ATXN1: variants seen among roughly 807,000 people sequenced by gnomAD.
ATXN1 encodes ataxin-1.
In ATXN1, 8 loss-of-function variants were observed where a neutral mutation model predicts 56.4. That is an observed-to-expected ratio of 0.14 (90% CI 0.08 to 0.26). The LOEUF (loss-of-function observed/expected upper bound fraction) is 0.26. Among genes scored for constraint, ATXN1 ranks in the 10% least tolerant of loss-of-function variants. ATXN1 has a pLI of 1.00. For missense variants in ATXN1, 987 were observed against 1,106.5 expected (o/e 0.89, Z 1.53); for synonymous variants, 514 against 494.6 (o/e 1.04, Z -0.52).
chr6:16,519,905 C>T (rs1761254272), intron 5 of ATXN1, among the ~76,000 whole-genome samples: 1 of 152,088 alleles, frequency 6.6e-6, no homozygotes, highest in South Asian at 2.1e-4. Context: ...CCACATTCTC[C>T]GCATATCACA....
intron 2 of ATXN1, among the ~76,000 whole-genome samples, chr6:16,687,655 A>ACACACACAC (rs1217783938): frequency 2.0e-5 from 1 of 50,394 alleles, no homozygotes; most frequent in African/African-American, 1.1e-4. Context: ...TCAAAGAAGA[A>ACACACACAC]ATACACACAC....
At chr6:16,421,709 C>T (rs185789826) in intron 6 of ATXN1, among the ~76,000 whole-genome samples, 5 of 151,810 alleles carry the variant, frequency 3.3e-5, no homozygotes, top group African/African-American at 9.7e-5. Context: ...AGCGTGCATG[C>T]AAATAGGTGT....
chr6:16,695,046 C>T (rs1759133970), intron 2 of ATXN1, among the ~76,000 whole-genome samples: 2 of 152,134 alleles, frequency 1.3e-5, no homozygotes, highest in Non-Finnish European at 2.9e-5. Context: ...CCACAGTGAC[C>T]ATTCTTCACA....
intron 6 of ATXN1, among the ~76,000 whole-genome samples, chr6:16,409,749 T>C (rs531663979): frequency 4.9e-4 from 74 of 151,918 alleles, no homozygotes; most frequent in Non-Finnish European, 8.7e-4. Context: ...TTTTAAAAGC[T>C]TCCAGACGTG....
At chr6:16,616,361 G>A (rs1029445582) in intron 3 of ATXN1, among the ~76,000 whole-genome samples, 5 of 151,396 alleles carry the variant, frequency 3.3e-5, no homozygotes, top group African/African-American at 7.3e-5. Flanking sequence ...CTAACATGGT[G>A]AAACCCTGTC....
At chr6:16,395,946 C>A (rs1157630228) in intron 6 of ATXN1, among the ~76,000 whole-genome samples, 1 of 128,580 alleles carries the variant, frequency 7.8e-6, no homozygotes, top group Non-Finnish European at 1.6e-5. Context: ...ACCAGGGAGT[C>A]GGAGGTTGCA....
chr6:16,482,525 G>T (rs148898337), intron 6 of ATXN1, among the ~76,000 whole-genome samples: 124 of 152,284 alleles, frequency 8.1e-4, no homozygotes, highest in African/African-American at 2.7e-3. Flanking sequence ...TCCTACTTAA[G>T]GAAGCAGAGA....
chr6:16,678,789 A>G (rs1758738225), intron 2 of ATXN1, among the ~76,000 whole-genome samples: 1 of 152,220 alleles, frequency 6.6e-6, no homozygotes, highest in South Asian at 2.1e-4. Flanking sequence ...TAATCCCAGC[A>G]CTTTGGGAGG....
chr6:16,446,197 C>CT (rs1759632050), intron 6 of ATXN1, among the ~76,000 whole-genome samples: 1 of 151,686 alleles, frequency 6.6e-6, no homozygotes, highest in Non-Finnish European at 1.5e-5. Context: ...TGTTTCCTGA[C>CT]TTTTTAATGA....
At chr6:16,683,818 T>C (rs912103197) in intron 2 of ATXN1, among the ~76,000 whole-genome samples, 1 of 152,126 alleles carries the variant, frequency 6.6e-6, no homozygotes, top group Non-Finnish European at 1.5e-5. Flanking sequence ...CCTGCAACTT[T>C]CCCTTCTTCC....
intron 5 of ATXN1, among the ~76,000 whole-genome samples, chr6:16,512,536 G>C (rs1472092870): frequency 3.3e-5 from 5 of 152,190 alleles, no homozygotes; most frequent in Non-Finnish European, 7.4e-5. Context: ...CAAGTTCTAA[G>C]CATTTATAAA....
intron 3 of ATXN1, among the ~76,000 whole-genome samples, chr6:16,637,649 G>A (rs1410448792): frequency 6.6e-6 from 1 of 152,114 alleles, no homozygotes; most frequent in Non-Finnish European, 1.5e-5. Context: ...GTCGAGTTAG[G>A]AAAAAATGTT....
chr6:16,734,202 TTC>T (rs1760058396), intron 2 of ATXN1, among the ~76,000 whole-genome samples: 1 of 152,184 alleles, frequency 6.6e-6, no homozygotes, highest in Non-Finnish European at 1.5e-5. Flanking sequence ...TTCTCAGGTG[TTC>T]TGTTTGCTAC....
intron 3 of ATXN1, among the ~76,000 whole-genome samples, chr6:16,611,956 T>G (rs1210835426): frequency 1.4e-5 from 2 of 140,312 alleles, no homozygotes; most frequent in Non-Finnish European, 3.0e-5. Flanking sequence ...GCCTCCTGGG[T>G]TCATGCCATT....
chr6:16,507,707 C>T (rs1448449832), intron 5 of ATXN1, among the ~76,000 whole-genome samples: 3 of 152,078 alleles, frequency 2.0e-5, no homozygotes, highest in Non-Finnish European at 4.4e-5. Context: ...GACATATTAC[C>T]TTAAAACTAC....
At chr6:16,367,008 T>C (rs544486433) in intron 6 of ATXN1, among the ~76,000 whole-genome samples, 13 of 152,338 alleles carry the variant, frequency 8.5e-5, no homozygotes, top group African/African-American at 2.6e-4. Context: ...ACTGGAGATC[T>C]GTAGCTTTTA....
intron 3 of ATXN1, among the ~76,000 whole-genome samples, chr6:16,655,013 T>C (rs1388057116): frequency 6.6e-6 from 1 of 152,196 alleles, no homozygotes; most frequent in Non-Finnish European, 1.5e-5. Context: ...CTGAGCATCA[T>C]TTCTGAAGCT....
At chr6:16,734,515 T>C (rs967631560) in intron 2 of ATXN1, among the ~76,000 whole-genome samples, 3 of 152,308 alleles carry the variant, frequency 2.0e-5, no homozygotes, top group Middle Eastern at 3.4e-3. Context: ...AAAATATATG[T>C]ATACTTTTTT....
At chr6:16,338,844 AT>A (rs1226378486) in intron 6 of ATXN1, among the ~76,000 whole-genome samples, 1 of 152,010 alleles carries the variant, frequency 6.6e-6, no homozygotes, top group East Asian at 1.9e-4. Flanking sequence ...TTGAGAGTTC[AT>A]TTTTTTCTTC....
Sources: allele counts gnomAD v4.1 joint callset (sites outside exome capture counted in the v4.1 genomes callset), GRCh38; gene constraint gnomAD v4.1.1; transcripts MANE v1.5; gene names NCBI Gene and HGNC (gene_info 2026-07-23, HGNC 2026-07-21).